The following LRRC37A2 variants were observed in gnomAD, a reference collection of about 807,000 sequenced individuals.
The protein encoded by LRRC37A2 is leucine-rich repeat-containing protein 37A2.
LRRC37A2 carries 9 observed loss-of-function variants against 68.8 expected under a neutral mutation model. The observed-to-expected ratio is 0.13, with a 90% CI of 0.08 to 0.23. The LOEUF (loss-of-function observed/expected upper bound fraction) is 0.23. LRRC37A2 is among the 10% of genes least tolerant of loss of function. The probability of loss-of-function intolerance (pLI) is 1.00; values close to 1 mark genes in which losing one functional copy is unlikely to be tolerated. For missense variants in LRRC37A2, 168 were observed against 950.4 expected, an observed-to-expected ratio of 0.18 and a Z score of 10.82; for synonymous variants, 63 against 367.6, an observed-to-expected ratio of 0.17 and a Z score of 9.48.
chr17:46,979,810 C>G, the LRRC37A2 span, among the ~76,000 whole-genome samples: 24 of 151,534 alleles, frequency 1.6e-4, no homozygotes, highest in African/African-American at 5.3e-4. Context: ...CTTTTTTACA[C>G]AAACATAGTC....
chr17:47,009,568 GA>G, the LRRC37A2 span, among the ~76,000 whole-genome samples: 21 of 152,318 alleles, frequency 1.4e-4, no homozygotes, highest in Non-Finnish European at 2.9e-4. Context: ...CTGAGCTATG[GA>G]AACTTCTCCT....
chr17:47,027,497 T>C, the LRRC37A2 span: 1 of 808,024 alleles, frequency 1.2e-6, no homozygotes, highest in African/African-American at 1.7e-5. Context: ...CTTGCTATTA[T>C]TCATACCAAT....
chr17:47,014,425 C>G, the LRRC37A2 span, among the ~76,000 whole-genome samples: 1 of 151,260 alleles, frequency 6.6e-6, no homozygotes, highest in Non-Finnish European at 1.5e-5. Context: ...AGAAAAACAA[C>G]TCAAGGGTCG....
At chr17:46,734,084 A>G in the LRRC37A2 span, among the ~76,000 whole-genome samples, 5 of 152,342 alleles carry the variant, frequency 3.3e-5, no homozygotes, top group East Asian at 5.8e-4. Flanking sequence ...TAGTCCTTAC[A>G]TGACATCTTA....
At chr17:46,903,217 G>A in the LRRC37A2 span, among the ~76,000 whole-genome samples, 1 of 152,120 alleles carries the variant, frequency 6.6e-6, no homozygotes, top group African/African-American at 2.4e-5. Flanking sequence ...GGAGGTGGAG[G>A]TTGCAGTGAG....
the LRRC37A2 span, among the ~76,000 whole-genome samples, chr17:46,504,924 A>G: frequency 3.3e-5 from 4 of 119,656 alleles, no homozygotes; most frequent in Non-Finnish European, 1.7e-5. Context: ...AATTTATTTA[A>G]TAAATTGATT....
chr17:47,022,324 C>A, the LRRC37A2 span, among the ~76,000 whole-genome samples: 1 of 147,474 alleles, frequency 6.8e-6, no homozygotes, highest in Admixed American at 6.8e-5. Flanking sequence ...GTGCATGCCA[C>A]CACACCCACC....
the LRRC37A2 span, chr17:46,833,395 A>G: frequency 1.2e-5 from 6 of 518,540 alleles, no homozygotes; most frequent in South Asian, 8.4e-5. Flanking sequence ...CAAGGCCTGA[A>G]TGCCAGTCCT....
chr17:46,906,927 C>T, the LRRC37A2 span, among the ~76,000 whole-genome samples: 1 of 152,166 alleles, frequency 6.6e-6, no homozygotes, highest in African/African-American at 2.4e-5. Flanking sequence ...GCTCACTAAC[C>T]AGGTACTCTC....
chr17:46,823,078 T>TA, the LRRC37A2 span, among the ~76,000 whole-genome samples: 19 of 60,260 alleles, frequency 3.2e-4, no homozygotes, highest in South Asian at 2.2e-3. Context: ...AAATATGTAT[T>TA]TATAATAAAT....
At chr17:46,583,109 G>A in the LRRC37A2 span, among the ~76,000 whole-genome samples, 11 of 21,270 alleles carry the variant, frequency 5.2e-4, 1 homozygote, top group East Asian at 2.4e-3. Context: ...ATTAACAGGC[G>A]CGTGCCACCA....
At chr17:46,855,528 AACAGG>A in the LRRC37A2 span, among the ~76,000 whole-genome samples, 1 of 152,150 alleles carries the variant, frequency 6.6e-6, no homozygotes, top group African/African-American at 2.4e-5. Context: ...CCCTAATGCT[AACAGG>A]GCTGGTCCTG....
chr17:46,924,660 T>G, the LRRC37A2 span, among the ~76,000 whole-genome samples: 1 of 152,182 alleles, frequency 6.6e-6, no homozygotes, highest in African/African-American at 2.4e-5. Flanking sequence ...GGTGTTTCAT[T>G]TGGACAGGCG....
the LRRC37A2 span, among the ~76,000 whole-genome samples, chr17:46,906,088 C>T: frequency 3.3e-5 from 5 of 152,152 alleles, no homozygotes; most frequent in Non-Finnish European, 5.9e-5. Flanking sequence ...CCCTGCCTGT[C>T]GTTCTCTTCC....
chr17:46,999,993 C>A, the LRRC37A2 span, among the ~76,000 whole-genome samples: 1 of 85,690 alleles, frequency 1.2e-5, no homozygotes, highest in South Asian at 4.6e-4. Flanking sequence ...AGGAAGACTC[C>A]ATCTCAAAAT....
intron 6 of LRRC37A2, among the ~76,000 whole-genome samples, chr17:46,525,602 T>TAATAATAATAATAATA (rs1346950818): frequency 1.9e-5 from 2 of 103,286 alleles, no homozygotes; most frequent in East Asian, 2.7e-4. Flanking sequence ...ATAATAATAA[T>TAATAATAATAATAATA]ATAATAATAA....
chr17:47,019,632 A>G, the LRRC37A2 span: 2 of 1,435,608 alleles, frequency 1.4e-6, no homozygotes, highest in Admixed American at 1.7e-5. Context: ...CATCCAAGAT[A>G]AGGCTTTAAC....
the LRRC37A2 span, among the ~76,000 whole-genome samples, chr17:46,879,385 C>T: frequency 7.9e-4 from 121 of 152,352 alleles, no homozygotes; most frequent in Middle Eastern, 6.8e-3. Context: ...CCAGACCCTC[C>T]TTGTGATGTT....
chr17:46,905,317 C>G, the LRRC37A2 span, among the ~76,000 whole-genome samples: 1 of 152,166 alleles, frequency 6.6e-6, no homozygotes. Context: ...CTCAGGTAAT[C>G]CACCTGCCTC....
Sources: gnomAD v4.1 joint callset for allele counts (sites outside exome capture counted in the v4.1 genomes callset) on GRCh38, gnomAD v4.1.1 for gene constraint, MANE v1.5 for transcripts, NCBI Gene and HGNC (gene_info 2026-07-23, HGNC 2026-07-21) for gene names.